Variants in UGGT2 observed in about 807,000 individuals in gnomAD.
UGGT2 encodes UDP-glucose glycoprotein glucosyltransferase 2.
UGGT2 carries 180 observed loss-of-function variants against 192.1 expected under a neutral mutation model. The observed-to-expected ratio is 0.94, with a 90% CI of 0.83 to 1.06. The LOEUF is 1.06. Ranked by LOEUF, UGGT2 falls within the 50% of genes least tolerant of loss-of-function variation. UGGT2 has a pLI of 0.00. For synonymous variants in UGGT2, 580 were observed against 591.0 expected (o/e 0.98, Z 0.27); for missense variants, 1,849 against 1,795.7 (o/e 1.03, Z -0.54).
intron 16 of UGGT2, among the ~76,000 whole-genome samples, chr13:95,938,833 T>C (rs1050621565): frequency 1.3e-5 from 2 of 152,132 alleles, no homozygotes; most frequent in Non-Finnish European, 2.9e-5. Flanking sequence ...AATTCAAATA[T>C]GTCCATTTTC....
intron 33 of UGGT2, chr13:95,856,738 A>G (rs1272493605): frequency 1.4e-5 from 5 of 353,674 alleles, no homozygotes; most frequent in Middle Eastern, 7.6e-4. Context: ...TTGGTCAGAG[A>G]TGTAAAGATG....
chr13:95,943,170 C>A (rs2049749059), intron 15 of UGGT2, among the ~76,000 whole-genome samples: 1 of 152,030 alleles, frequency 6.6e-6, no homozygotes, highest in Non-Finnish European at 1.5e-5. Context: ...AAAGTCTCAC[C>A]CATTTTGAGT....
chr13:95,969,915 T>C (rs760250011), intron 12 of UGGT2, among the ~76,000 whole-genome samples, 197 bp downstream of exon 12: 2 of 152,174 alleles, frequency 1.3e-5, no homozygotes, highest in African/African-American at 2.4e-5. Flanking sequence ...GGTATTCTTG[T>C]GACAAAACAG....
chr13:95,957,593 T>C (rs1449017644), intron 12 of UGGT2, among the ~76,000 whole-genome samples: 4 of 152,204 alleles, frequency 2.6e-5, no homozygotes, highest in Non-Finnish European at 5.9e-5. Flanking sequence ...AATGGGGCTT[T>C]GCAGAGTGTG....
Position 95,947,072 on chromosome 13 carries a change from A to G in UGGT2, c.1642T>C (p.Phe548Leu), listed in dbSNP as rs754276260. 9 of 1,607,702 alleles carry G rather than the reference A, an allele frequency of 5.6e-6. No individual in the cohort carries two copies. The highest frequency in any genetic ancestry group is 2.7e-5 in the African/African-American group (2 of 74,558). Reference protein sequence around the residue: ...WRAFNYIAEEFDISEAFISIV... With the variant: ...WRAFNYIAEELDISEAFISIV... ...GAAATAAATGCTTCTGATATATCAAATTCTTCTGCAATATAGTTGAAAGCT... is the reference window on the plus strand; with the variant it reads ...GAAATAAATGCTTCTGATATATCAAGTTCTTCTGCAATATAGTTGAAAGCT... The change falls in exon 15 of 39, where the codon TTT becomes CTT. Residue 548 changes from phenylalanine (F) to leucine (L), a missense_variant. By Grantham distance (22) the Phe-to-Leu change is conservative. Transcript: ENST00000376747.
intron 1 of UGGT2, among the ~76,000 whole-genome samples, chr13:96,034,696 G>A (rs2052945555): frequency 2.0e-5 from 3 of 152,180 alleles, no homozygotes; most frequent in South Asian, 4.1e-4. Flanking sequence ...CCACCACAGT[G>A]CCTGCAGTGG....
intron 12 of UGGT2, among the ~76,000 whole-genome samples, chr13:95,949,943 T>C (rs1243403125): frequency 6.6e-6 from 1 of 152,170 alleles, no homozygotes; most frequent in Non-Finnish European, 1.5e-5. Flanking sequence ...TTTAGAGGCA[T>C]GTGGTCGGGG....
At chr13:95,943,499 A>C (rs1247204364) in intron 15 of UGGT2, among the ~76,000 whole-genome samples, 1 of 151,954 alleles carries the variant, frequency 6.6e-6, no homozygotes, top group Non-Finnish European at 1.5e-5. Context: ...GAGGATAAGG[A>C]TTGTTGGCTA....
intron 5 of UGGT2, 39 bp from the exon 6 acceptor site, chr13:95,999,346 T>G: frequency 6.4e-7 from 1 of 1,573,192 alleles, no homozygotes; most frequent in Non-Finnish European, 8.7e-7. Context: ...GCGAAAAGAG[T>G]TAGTCAAACA....
chr13:95,866,825 T>C (rs948485784), intron 30 of UGGT2, among the ~76,000 whole-genome samples: 7 of 152,160 alleles, frequency 4.6e-5, no homozygotes, highest in African/African-American at 9.7e-5. Flanking sequence ...GCTCGCATTT[T>C]CCCTTTAATT....
At chr13:95,985,998 C>T (rs1221990487) in intron 9 of UGGT2, among the ~76,000 whole-genome samples, 1 of 152,038 alleles carries the variant, frequency 6.6e-6, no homozygotes, top group East Asian at 1.9e-4. Context: ...TATCATCCTC[C>T]ATAAGGGAAA....
At chr13:96,002,986 C>T (rs1047118515) in intron 5 of UGGT2, among the ~76,000 whole-genome samples, 41 of 152,162 alleles carry the variant, frequency 2.7e-4, no homozygotes, top group African/African-American at 9.6e-4. Context: ...GTATAAAACC[C>T]AGGGCAGAGC....
At chr13:95,989,544 T>C in intron 8 of UGGT2, 1 of 396,414 alleles carries the variant, frequency 2.5e-6, no homozygotes, top group Admixed American at 2.6e-5. Context: ...ATGTCCTCCA[T>C]TTGATGTTTC....
intron 38 of UGGT2, among the ~76,000 whole-genome samples, chr13:95,819,501 T>C (rs1885268164): frequency 1.4e-5 from 1 of 72,024 alleles, no homozygotes; most frequent in Admixed American, 1.2e-4. Flanking sequence ...CACATATACA[T>C]GTATACATAT....
chr13:95,807,495 T>C (rs1414984841), intron 38 of UGGT2, among the ~76,000 whole-genome samples: 1 of 152,186 alleles, frequency 6.6e-6, no homozygotes, highest in Non-Finnish European at 1.5e-5. Context: ...ATCCATGTCA[T>C]AAAAAGCAAA....
chr13:95,881,336 A>C (rs2047488954), intron 27 of UGGT2, among the ~76,000 whole-genome samples: 1 of 152,176 alleles, frequency 6.6e-6, no homozygotes, highest in Admixed American at 6.5e-5. Context: ...TAAATTTTCA[A>C]GTTTGTTAAG....
At chr13:95,856,496 G>A (rs1030657006) in intron 33 of UGGT2, among the ~76,000 whole-genome samples, 156 bp from the exon 34 acceptor site, 16 of 152,032 alleles carry the variant, frequency 1.1e-4, no homozygotes, top group African/African-American at 3.1e-4. Flanking sequence ...ACTTATTAAT[G>A]AGAAATATTA....
chr13:96,011,503 A>T (rs938112123), intron 5 of UGGT2, among the ~76,000 whole-genome samples: 12 of 151,932 alleles, frequency 7.9e-5, no homozygotes, highest in Admixed American at 5.2e-4. Flanking sequence ...CAGCTATAAT[A>T]AAAAAAACTG....
chr13:95,859,582 T>C lies in UGGT2; in HGVS notation c.3825+9A>G, dbSNP rs776584519. The C allele has an allele frequency of 1.9e-6, 3 of 1,600,282 alleles. No individual in the cohort carries two copies. The highest frequency in any genetic ancestry group is 2.2e-5 in the South Asian group (2 of 89,744). On this transcript the variant is annotated intron_variant, in intron 33 of 38. Coordinates refer to ENST00000376747, the MANE Select transcript of UGGT2 (RefSeq NM_020121.4). ...ATTAACCATTCTACAAAAAAAGCTATGTACTTACTTTAAATGTCGGTGAGA... is the reference window on the plus strand; with the variant it reads ...ATTAACCATTCTACAAAAAAAGCTACGTACTTACTTTAAATGTCGGTGAGA...
Sources: allele counts gnomAD v4.1 joint callset (sites outside exome capture counted in the v4.1 genomes callset), GRCh38; gene constraint gnomAD v4.1.1; transcripts MANE v1.5; gene names NCBI Gene and HGNC (gene_info 2026-07-23, HGNC 2026-07-21).